MKLN1: variants seen among roughly 807,000 people sequenced by gnomAD.
The protein encoded by MKLN1 is muskelin 1.
Under a neutral mutation model 99.0 loss-of-function variants are expected in MKLN1, and 18 were observed. The ratio of observed to expected loss-of-function variants is 0.18; its 90% CI spans 0.13 to 0.27. MKLN1 has a LOEUF of 0.27. MKLN1 is among the 10% of genes least tolerant of loss of function. The pLI, the probability that MKLN1 is intolerant of heterozygous loss-of-function variation, is 1.00. For synonymous variants in MKLN1, 288 were observed against 293.2 expected (o/e 0.98, Z 0.18); for missense variants, 621 against 875.9 (o/e 0.71, Z 3.67).
intron 9 of MKLN1, among the ~76,000 whole-genome samples, chr7:131,437,375 G>T (rs1440376503): frequency 6.6e-6 from 1 of 152,132 alleles, no homozygotes; most frequent in South Asian, 2.1e-4. Flanking sequence ...AGATTCTGAT[G>T]AGAAATACAA....
chr7:131,117,322 C>T (rs902157696), intron 1 of MKLN1, among the ~76,000 whole-genome samples: 2 of 151,610 alleles, frequency 1.3e-5, no homozygotes, highest in Non-Finnish European at 2.9e-5. Context: ...CCCAGCTACT[C>T]GGGAGGCTGA....
intron 3 of MKLN1, among the ~76,000 whole-genome samples, chr7:131,291,101 T>TTTCATTTA (rs1554547693): frequency 7.4e-6 from 1 of 134,842 alleles, no homozygotes; most frequent in African/African-American, 2.9e-5. Context: ...TCTCATTTTA[T>TTTCATTTA]TTTATTTATT....
intron 3 of MKLN1, among the ~76,000 whole-genome samples, chr7:131,281,406 T>G (rs1798050640): frequency 6.6e-6 from 1 of 152,186 alleles, no homozygotes. Context: ...ATGTGTATCC[T>G]TATGCCTTAT....
At chr7:131,379,192 C>T (rs558209030) in intron 2 of MKLN1, among the ~76,000 whole-genome samples, 9 of 152,248 alleles carry the variant, frequency 5.9e-5, no homozygotes, top group African/African-American at 7.2e-5. Context: ...TGCAGATCTT[C>T]TCTGAAAATA....
chr7:131,466,161 AT>A, intron 14 of MKLN1, 114 bp from the exon 15 acceptor site: 1 of 705,256 alleles, frequency 1.4e-6, no homozygotes, highest in Non-Finnish European at 2.1e-6. Flanking sequence ...ATGCAGTATA[AT>A]TTTTAATTTT....
intron 2 of MKLN1, 44 bp from the exon 3 acceptor site, chr7:131,387,076 G>C (rs752108804): frequency 6.6e-7 from 1 of 1,526,578 alleles, no homozygotes; most frequent in South Asian, 1.3e-5. Context: ...TCTAACATTT[G>C]TTTTAAACAG....
Position 131,375,484 on chromosome 7 carries a change from T to C in MKLN1, c.159T>C (p.Tyr53=). The part of the protein sequence containing the change: ...QSSRWSSESN[Y]PPQYLILKLE... ...CAAGATGGTCTTCAGAGAGCAACTATCCTCCCCAGGTAAGATTACATGTAT... is the reference window on the plus strand; with the variant it reads ...CAAGATGGTCTTCAGAGAGCAACTACCCTCCCCAGGTAAGATTACATGTAT... The change falls in exon 2 of 18, where the codon TAT becomes TAC. Residue 53 remains tyrosine, a synonymous_variant. Transcript: ENST00000352689. The C allele has an allele frequency of 1.2e-6, 2 of 1,605,372 alleles. No individual in the cohort carries two copies. Among genetic ancestry groups the C allele is most frequent in the Non-Finnish European group, 1.7e-6 (2 of 1,172,266 alleles).
intron 3 of MKLN1, among the ~76,000 whole-genome samples, chr7:131,257,813 G>A (rs988337153): frequency 1.3e-4 from 20 of 152,106 alleles, no homozygotes; most frequent in African/African-American, 4.8e-4. Flanking sequence ...TGCTTAGGTT[G>A]TTATTTCAGC....
At chr7:131,166,045 G>A (rs1444942289) in intron 2 of MKLN1, among the ~76,000 whole-genome samples, 1 of 152,118 alleles carries the variant, frequency 6.6e-6, no homozygotes, top group Non-Finnish European at 1.5e-5. Flanking sequence ...AACCTGGGAG[G>A]TCGAGGCTGC....
At chr7:131,394,492 C>A (rs1414142380) in intron 4 of MKLN1, among the ~76,000 whole-genome samples, 1 of 151,942 alleles carries the variant, frequency 6.6e-6, no homozygotes, top group African/African-American at 2.4e-5. Flanking sequence ...GTTTGCAGTC[C>A]TTTGAGAATC....
At chr7:131,200,646 T>C (rs976059737) in intron 2 of MKLN1, among the ~76,000 whole-genome samples, 2 of 152,224 alleles carry the variant, frequency 1.3e-5, no homozygotes, top group Non-Finnish European at 2.9e-5. Flanking sequence ...AAATTGAAGA[T>C]AATTACTTAA....
chr7:131,235,725 C>T (rs374376031), intron 3 of MKLN1, among the ~76,000 whole-genome samples: 5 of 152,208 alleles, frequency 3.3e-5, no homozygotes, highest in East Asian at 3.9e-4. Flanking sequence ...GTTGGCCTGT[C>T]GGCTTGCTTA....
rs184357584 is a variant in MKLN1, at chr7:131,364,509, C to T, written c.99-10915C>T. Among the ~76,000 whole-genome samples, 41 of 151,324 alleles carry T rather than the reference C, an allele frequency of 2.7e-4. 1 individual carries two copies. The East Asian group carries it at 4.5e-3, about 16-fold the overall frequency. On this transcript the variant is annotated intron_variant, in intron 1 of 17. Transcript: ENST00000352689. ...ACATTTATTTTAGGTTCAGGGCATA[C>T]GTGAAGGTTTTTACATAGTTGTGTT...
chr7:131,453,870 CAAT>C (rs1472899945), intron 12 of MKLN1, among the ~76,000 whole-genome samples: 1 of 151,970 alleles, frequency 6.6e-6, no homozygotes, highest in African/African-American at 2.4e-5. Flanking sequence ...TGTAGTAGAA[CAAT>C]GACAAATTAT....
chr7:131,265,313 A>C (rs1797792073), intron 3 of MKLN1, among the ~76,000 whole-genome samples: 1 of 152,208 alleles, frequency 6.6e-6, no homozygotes, highest in Non-Finnish European at 1.5e-5. Flanking sequence ...GTAGTTTGCA[A>C]GGCCAAACAG....
At chr7:131,112,845 G>A (rs1008544926) in intron 1 of MKLN1, among the ~76,000 whole-genome samples, 2 of 152,202 alleles carry the variant, frequency 1.3e-5, no homozygotes, top group Non-Finnish European at 2.9e-5. Context: ...TTTAATTAGT[G>A]CTAGGCAAAA....
At chr7:131,384,438 C>T (rs1009874353) in intron 2 of MKLN1, among the ~76,000 whole-genome samples, 4 of 151,922 alleles carry the variant, frequency 2.6e-5, no homozygotes, top group Non-Finnish European at 5.9e-5. Context: ...ATAGGAGTTA[C>T]ACTGTCACAA....
At chr7:131,477,186 C>T (rs1282954553) in intron 16 of MKLN1, among the ~76,000 whole-genome samples, 3 of 151,940 alleles carry the variant, frequency 2.0e-5, no homozygotes, top group Non-Finnish European at 2.9e-5. Flanking sequence ...CAGTAATCAT[C>T]GAAGAAAAAT....
chr7:131,397,546 CACTT>C (rs1794395985), intron 5 of MKLN1, among the ~76,000 whole-genome samples, 170 bp downstream of exon 5: 1 of 152,190 alleles, frequency 6.6e-6, no homozygotes, highest in East Asian at 1.9e-4. Context: ...CCTGATAACT[CACTT>C]AGTCATTATC....
Sources: allele counts gnomAD v4.1 joint callset (sites outside exome capture counted in the v4.1 genomes callset), GRCh38; gene constraint gnomAD v4.1.1; transcripts MANE v1.5; gene names NCBI Gene and HGNC (gene_info 2026-07-23, HGNC 2026-07-21).